Variants in CFAP299 observed in about 807,000 individuals in gnomAD.
The protein encoded by CFAP299 is cilia- and flagella-associated protein 299.
A neutral mutation model predicts 27.0 loss-of-function variants in CFAP299; 21 were observed. The ratio of observed to expected loss-of-function variants is 0.78; its 90% confidence interval spans 0.55 to 1.12. CFAP299 has a LOEUF of 1.12. Among genes scored for constraint, CFAP299 ranks in the 50% most tolerant of loss-of-function variants. The pLI is 0.00. For synonymous variants in CFAP299, 104 were observed against 98.1 expected, an observed-to-expected ratio of 1.06 and a Z score of -0.36; for missense variants, 310 against 276.6, an observed-to-expected ratio of 1.12 and a Z score of -0.86.
chr4:80,696,696 G>T (rs1721116748), intron 3 of CFAP299, among the ~76,000 whole-genome samples: 1 of 152,154 alleles, frequency 6.6e-6, no homozygotes, highest in Non-Finnish European at 1.5e-5. Flanking sequence ...AACATTCAAA[G>T]GATGATTATG....
chr4:80,435,358 A>G (rs1410680898), intron 2 of CFAP299, among the ~76,000 whole-genome samples: 1 of 152,214 alleles, frequency 6.6e-6, no homozygotes, highest in Non-Finnish European at 1.5e-5. Context: ...AAGCATCTTT[A>G]GGTTTGAACA....
intron 3 of CFAP299, among the ~76,000 whole-genome samples, chr4:80,835,262 G>A (rs1236937290): frequency 1.3e-5 from 2 of 151,962 alleles, no homozygotes; most frequent in Non-Finnish European, 2.9e-5. Flanking sequence ...ACCACGCCTG[G>A]CTAATTTTTT....
chr4:80,847,196 C>T (rs1731231538), intron 3 of CFAP299, among the ~76,000 whole-genome samples: 1 of 152,162 alleles, frequency 6.6e-6, no homozygotes, highest in Non-Finnish European at 1.5e-5. Flanking sequence ...CTTCCTTCTC[C>T]ACCCTGCTCT....
chr4:80,387,528 C>T, intron 2 of CFAP299: 1 of 862,308 alleles, frequency 1.2e-6, no homozygotes, highest in African/African-American at 1.7e-5. Flanking sequence ...TTGGTAGGGG[C>T]TGGCCCAACC....
chr4:80,955,045 G>T (rs1345508128), intron 5 of CFAP299, among the ~76,000 whole-genome samples: 2 of 129,840 alleles, frequency 1.5e-5, no homozygotes, highest in Admixed American at 8.2e-5. Flanking sequence ...CGCACACATG[G>T]CCATATACAG....
chr4:80,502,193 G>T (rs1731781772), intron 2 of CFAP299, among the ~76,000 whole-genome samples: 1 of 152,024 alleles, frequency 6.6e-6, no homozygotes, highest in African/African-American at 2.4e-5. Context: ...GATTTTGCAG[G>T]TATCAGTTTA....
At chr4:80,661,565 T>C (rs1346143327) in intron 3 of CFAP299, among the ~76,000 whole-genome samples, 1 of 152,182 alleles carries the variant, frequency 6.6e-6, no homozygotes, top group African/African-American at 2.4e-5. Flanking sequence ...CCTATGCCTA[T>C]CTTTACGTTA....
chr4:80,595,057 C>A (rs1353534082), intron 3 of CFAP299, among the ~76,000 whole-genome samples: 1 of 152,126 alleles, frequency 6.6e-6, no homozygotes, highest in African/African-American at 2.4e-5. Flanking sequence ...TTATTAGTCG[C>A]CAGTCCTTTG....
intron 2 of CFAP299, among the ~76,000 whole-genome samples, chr4:80,385,383 GA>G (rs1223718931): frequency 6.6e-6 from 1 of 150,686 alleles, no homozygotes; most frequent in Non-Finnish European, 1.5e-5. Context: ...TGGTTTTCTA[GA>G]AAAAAATCGT....
chr4:80,955,687 A>C (rs985573952), intron 5 of CFAP299, among the ~76,000 whole-genome samples: 9 of 152,200 alleles, frequency 5.9e-5, no homozygotes, highest in African/African-American at 2.2e-4. Flanking sequence ...TACACTATTA[A>C]GTGAAAAAAG....
chr4:80,890,509 C>T (rs185192232), intron 4 of CFAP299, among the ~76,000 whole-genome samples: 154 of 151,910 alleles, frequency 1.0e-3, no homozygotes, highest in Non-Finnish European at 1.9e-3. Context: ...TGAATAGTGC[C>T]GCAATAAACA....
chr4:80,856,201 T>C (rs1188664365), intron 3 of CFAP299, among the ~76,000 whole-genome samples: 1 of 151,346 alleles, frequency 6.6e-6, no homozygotes, highest in African/African-American at 2.4e-5. Context: ...TGCATAAATG[T>C]CTTCTTTTGA....
chr4:80,856,150 A>C (rs1161310471), intron 3 of CFAP299, among the ~76,000 whole-genome samples: 1 of 151,710 alleles, frequency 6.6e-6, no homozygotes, highest in African/African-American at 2.4e-5. Context: ...CATTTCTCTG[A>C]TGGCCAGTGA....
At chr4:80,659,235 A>G (rs181962760) in intron 3 of CFAP299, among the ~76,000 whole-genome samples, 3 of 152,184 alleles carry the variant, frequency 2.0e-5, no homozygotes. Flanking sequence ...CTTCCAGAAA[A>G]GATGAAATTA....
chr4:80,438,135 T>A (rs773289765), intron 2 of CFAP299, among the ~76,000 whole-genome samples: 29 of 152,168 alleles, frequency 1.9e-4, no homozygotes, highest in Non-Finnish European at 3.7e-4. Flanking sequence ...TGGCAAGTGC[T>A]AAAGTAGAAA....
intron 3 of CFAP299, among the ~76,000 whole-genome samples, chr4:80,798,036 C>A (rs973667122): frequency 5.9e-5 from 9 of 152,092 alleles, no homozygotes; most frequent in African/African-American, 2.2e-4. Flanking sequence ...ACATTCCTTC[C>A]ACCATTATCC....
At chr4:80,407,702 G>C (rs1056923598) in intron 2 of CFAP299, among the ~76,000 whole-genome samples, 3 of 152,154 alleles carry the variant, frequency 2.0e-5, no homozygotes, top group African/African-American at 7.2e-5. Context: ...TGTAGATACA[G>C]GGAAAGATGT....
intron 3 of CFAP299, among the ~76,000 whole-genome samples, chr4:80,734,357 C>T (rs1723731619): frequency 6.6e-6 from 1 of 151,850 alleles, no homozygotes; most frequent in East Asian, 1.9e-4. Context: ...CTTCTATATT[C>T]GGTTATTAAT....
At chr4:80,375,076 C>T (rs1432154425) in intron 2 of CFAP299, among the ~76,000 whole-genome samples, 1 of 152,080 alleles carries the variant, frequency 6.6e-6, no homozygotes, top group African/African-American at 2.4e-5. Context: ...CAATGGCCCG[C>T]ACCAAGTGCA....
Sources: allele counts gnomAD v4.1 joint callset (sites outside exome capture counted in the v4.1 genomes callset), GRCh38; gene constraint gnomAD v4.1.1; transcripts MANE v1.5; gene names NCBI Gene and HGNC (gene_info 2026-07-23, HGNC 2026-07-21).